Variants in DOK5 observed in about 807,000 individuals in gnomAD.
DOK5 encodes the protein docking protein 5, also known as downstream of tyrosine kinase 5.
In DOK5, 27 loss-of-function variants were observed where a neutral mutation model predicts 43.3. The observed-to-expected ratio is 0.62, with a 90% CI of 0.46 to 0.86. The LOEUF (loss-of-function observed/expected upper bound fraction) is 0.86. Among genes scored for constraint, DOK5 ranks in the 40% least tolerant of loss-of-function variants. DOK5 has a pLI of 0.00. For synonymous variants in DOK5, 146 were observed against 140.1 expected (o/e 1.04, Z -0.30); for missense variants, 373 against 392.9 (o/e 0.95, Z 0.43).
intron 1 of DOK5, among the ~76,000 whole-genome samples, chr20:54,531,044 A>G (rs1021620808): frequency 1.3e-5 from 2 of 152,152 alleles, no homozygotes; most frequent in African/African-American, 4.8e-5. Context: ...GTCTGGACCA[A>G]TTATAAAGAA....
intron 1 of DOK5, among the ~76,000 whole-genome samples, chr20:54,531,828 C>T (rs1983783321): frequency 6.6e-6 from 1 of 152,176 alleles, no homozygotes; most frequent in South Asian, 2.1e-4. Context: ...CACCATGACC[C>T]AATTACTATA....
intron 1 of DOK5, among the ~76,000 whole-genome samples, chr20:54,535,362 CT>C: frequency 6.6e-6 from 1 of 152,028 alleles, no homozygotes; most frequent in East Asian, 1.9e-4. Flanking sequence ...GACTGACATT[CT>C]AATTTTCTAT....
intron 1 of DOK5, among the ~76,000 whole-genome samples, chr20:54,506,816 G>A (rs1435035969): frequency 1.3e-5 from 2 of 152,176 alleles, no homozygotes; most frequent in Non-Finnish European, 1.5e-5. Context: ...CAATGACTGA[G>A]TTCTGGTTTC....
intron 1 of DOK5, among the ~76,000 whole-genome samples, chr20:54,480,954 C>T (rs1395641454): frequency 7.9e-6 from 1 of 126,256 alleles, no homozygotes; most frequent in Non-Finnish European, 1.6e-5. Flanking sequence ...TATCTATCAT[C>T]TATCTATCAT....
chr20:54,578,576 A>C (rs909660365), intron 2 of DOK5, among the ~76,000 whole-genome samples: 2 of 152,184 alleles, frequency 1.3e-5, no homozygotes, highest in Non-Finnish European at 2.9e-5. Context: ...GTGTGCAAGG[A>C]TATCTAAAAA....
chr20:54,533,133 C>G (rs1983836603), intron 1 of DOK5, among the ~76,000 whole-genome samples: 1 of 152,224 alleles, frequency 6.6e-6, no homozygotes, highest in Non-Finnish European at 1.5e-5. Flanking sequence ...TCAACTTCAA[C>G]ACCATTGACA....
chr20:54,625,743 G>C (rs1987112709), intron 6 of DOK5, among the ~76,000 whole-genome samples: 1 of 152,182 alleles, frequency 6.6e-6, no homozygotes, highest in Non-Finnish European at 1.5e-5. Context: ...AAATATAGCA[G>C]CAACCTGAGC....
chr20:54,515,968 C>G (rs1314037659), intron 1 of DOK5, among the ~76,000 whole-genome samples: 1 of 152,208 alleles, frequency 6.6e-6, no homozygotes, highest in African/African-American at 2.4e-5. Flanking sequence ...TGATTCGATC[C>G]ATCTCTTTCT....
At position 54,649,729 on chromosome 20, in the gene DOK5, A is replaced by G. The variant is rs567319047; in HGVS notation, c.857-686A>G. 2.0e-5 allele frequency among the ~76,000 whole-genome samples: 3 copies of G among 152,316 alleles called. No individual in the cohort carries two copies. In the East Asian group the frequency reaches 5.8e-4, roughly 29 times the overall value. ...GTGAGCCAGATCCAGCCTGCTGACT[A>G]TTTTCATTAATAAAGCATTATTAGG... On this transcript the variant is annotated intron_variant, in intron 7 of 7. Transcript: ENST00000262593.
At chr20:54,604,675 G>A (rs915783905) in intron 5 of DOK5, among the ~76,000 whole-genome samples, 22 of 152,150 alleles carry the variant, frequency 1.4e-4, no homozygotes, top group African/African-American at 5.1e-4. Context: ...AGCTGCCTTG[G>A]CAGGGGTAGG....
At chr20:54,538,657 T>C (rs1377281729) in intron 1 of DOK5, among the ~76,000 whole-genome samples, 1 of 152,136 alleles carries the variant, frequency 6.6e-6, no homozygotes, top group African/African-American at 2.4e-5. Context: ...TAACTGGATA[T>C]AGAAAAAATA....
chr20:54,610,662 T>A, intron 6 of DOK5, 139 bp downstream of exon 6: 2 of 1,028,100 alleles, frequency 1.9e-6, no homozygotes, highest in Non-Finnish European at 2.5e-6. Flanking sequence ...TCACTTGGAT[T>A]AAATGGCATT....
At chr20:54,575,169 A>G (rs1277003805) in intron 2 of DOK5, among the ~76,000 whole-genome samples, 1 of 152,218 alleles carries the variant, frequency 6.6e-6, no homozygotes, top group Non-Finnish European at 1.5e-5. Flanking sequence ...CAAGAAAACT[A>G]ACACGATCTT....
intron 6 of DOK5, among the ~76,000 whole-genome samples, chr20:54,616,874 G>A (rs868491466): frequency 3.6e-5 from 5 of 138,350 alleles, no homozygotes; most frequent in South Asian, 4.7e-4. Context: ...TGCACGCTCC[G>A]CCTCCTGAGT....
At chr20:54,616,905 T>C (rs1986832143) in intron 6 of DOK5, among the ~76,000 whole-genome samples, 2 of 147,942 alleles carry the variant, frequency 1.4e-5, no homozygotes, top group Non-Finnish European at 3.0e-5. Context: ...TTCTCCTGCC[T>C]CAGCCTCCCG....
chr20:54,624,875 G>T (rs1987088193), intron 6 of DOK5, among the ~76,000 whole-genome samples: 1 of 152,088 alleles, frequency 6.6e-6, no homozygotes, highest in African/African-American at 2.4e-5. Flanking sequence ...CTAACAGTCT[G>T]CTTTGTCAAA....
intron 6 of DOK5, among the ~76,000 whole-genome samples, chr20:54,640,613 C>G (rs891205617): frequency 6.6e-6 from 1 of 152,142 alleles, no homozygotes; most frequent in Non-Finnish European, 1.5e-5. Context: ...GGCTTTGTAC[C>G]GTTCTCCTCT....
At chr20:54,503,529 T>C (rs1336348062) in intron 1 of DOK5, among the ~76,000 whole-genome samples, 1 of 152,166 alleles carries the variant, frequency 6.6e-6, no homozygotes, top group East Asian at 1.9e-4. Context: ...TTCACAGTCT[T>C]TGTCATATGT....
chr20:54,568,698 A>G (rs954287630), intron 2 of DOK5, among the ~76,000 whole-genome samples: 8 of 152,134 alleles, frequency 5.3e-5, no homozygotes, highest in Non-Finnish European at 1.0e-4. Flanking sequence ...TTGGAGGCTG[A>G]GGCTGGTGGA....
Sources: gnomAD v4.1 joint callset for allele counts (sites outside exome capture counted in the v4.1 genomes callset) on GRCh38, gnomAD v4.1.1 for gene constraint, MANE v1.5 for transcripts, NCBI Gene and HGNC (gene_info 2026-07-23, HGNC 2026-07-21) for gene names.